The following ZNF148 variants were observed in gnomAD, a reference collection of about 807,000 sequenced individuals.
The protein encoded by ZNF148 is Beta-Enolase Repressor Factor-1.
In ZNF148, 7 loss-of-function variants were observed where a neutral mutation model predicts 67.7. That is an observed-to-expected ratio of 0.10 (90% CI 0.06 to 0.19). The LOEUF is 0.19. Ranked by LOEUF, ZNF148 falls within the 10% of genes least tolerant of loss-of-function variation. The probability of loss-of-function intolerance (pLI) is 1.00; values close to 1 mark genes in which losing one functional copy is unlikely to be tolerated. For synonymous variants in ZNF148, 333 were observed against 330.7 expected (o/e 1.01, Z -0.08); for missense variants, 583 against 947.1 (o/e 0.62, Z 5.05).
chr3:125,310,032 G>C (rs1037458550), intron 4 of ZNF148, among the ~76,000 whole-genome samples: 5 of 150,752 alleles, frequency 3.3e-5, no homozygotes, highest in African/African-American at 4.9e-5. Flanking sequence ...AAAATACTTG[G>C]ATATTAAACA....
At chr3:125,355,253 T>C (rs1339019317) in intron 1 of ZNF148, among the ~76,000 whole-genome samples, 2 of 152,354 alleles carry the variant, frequency 1.3e-5, no homozygotes, top group South Asian at 2.1e-4. Flanking sequence ...ATAACTTTCA[T>C]AGGTTTAAAT....
At chr3:125,343,078 C>A (rs1941797845) in intron 1 of ZNF148, among the ~76,000 whole-genome samples, 1 of 152,150 alleles carries the variant, frequency 6.6e-6, no homozygotes, top group Non-Finnish European at 1.5e-5. Flanking sequence ...TTATATTAAA[C>A]CAGAAATGTA....
intron 1 of ZNF148, among the ~76,000 whole-genome samples, chr3:125,371,920 C>T (rs1579929056): frequency 1.3e-5 from 2 of 151,692 alleles, no homozygotes; most frequent in Admixed American, 6.6e-5. Context: ...GAAAATTAGC[C>T]GGGCGTGGTG....
At chr3:125,300,266 C>G (rs1400871764) in intron 4 of ZNF148, among the ~76,000 whole-genome samples, 2 of 152,186 alleles carry the variant, frequency 1.3e-5, no homozygotes, top group Non-Finnish European at 2.9e-5. Flanking sequence ...GCCACCATGC[C>G]TGGCCTGAAT....
chr3:125,362,344 T>TA (rs1399451922), intron 1 of ZNF148, among the ~76,000 whole-genome samples: 2 of 152,186 alleles, frequency 1.3e-5, no homozygotes, highest in African/African-American at 4.8e-5. Context: ...AGTTTTAGAA[T>TA]AAGAGTTGTT....
intron 7 of ZNF148, among the ~76,000 whole-genome samples, chr3:125,270,827 G>A (rs1296622563): frequency 6.6e-6 from 1 of 152,138 alleles, no homozygotes; most frequent in Non-Finnish European, 1.5e-5. Flanking sequence ...AGTGAGCTAT[G>A]ATCATGCCAC....
At chr3:125,344,423 C>CA (rs910381839) in intron 1 of ZNF148, 65 of 765,526 alleles carry the variant, frequency 8.5e-5, no homozygotes, top group Middle Eastern at 3.7e-4. Context: ...GACCCCATTC[C>CA]AAAAAAAAGT....
intron 4 of ZNF148, among the ~76,000 whole-genome samples, chr3:125,303,294 G>A (rs149730317): frequency 1.3e-5 from 2 of 152,292 alleles, no homozygotes; most frequent in Non-Finnish European, 2.9e-5. Context: ...AATCTTGATT[G>A]CTTTGGTGGT....
At chr3:125,288,316 C>A in intron 4 of ZNF148, 88 bp from the exon 5 acceptor site, 3 of 1,377,678 alleles carry the variant, frequency 2.2e-6, no homozygotes, top group Non-Finnish European at 2.9e-6. Flanking sequence ...CTTTGCTAAA[C>A]CCACATACAG....
chr3:125,258,422 CA>C (rs34739205), intron 7 of ZNF148, among the ~76,000 whole-genome samples: 116 of 56,278 alleles, frequency 2.1e-3, no homozygotes, highest in East Asian at 0.016. Context: ...GACTCCATCT[CA>C]AAAAAAAAAA....
At position 125,315,504 on chromosome 3, in the gene ZNF148, C is replaced by A. The variant is rs187622904; in HGVS notation, c.-16-1848G>T. The stretch of plus-strand genomic sequence containing the variant: ...CGGGCAGATCAGCAGGTCAGGAGAT[C>A]GAGACCATCCTGGCCAACATGGTGA... On this transcript the variant is annotated intron_variant, in intron 3 of 8. Coordinates refer to ENST00000360647, the MANE Select transcript of ZNF148 (RefSeq NM_021964.3). 2.1e-4 allele frequency among the ~76,000 whole-genome samples: 32 copies of A among 152,032 alleles called. No homozygotes were observed. In the East Asian group the frequency reaches 5.2e-3, roughly 25 times the overall value.
chr3:125,255,064 A>C (rs1308418861), intron 7 of ZNF148, among the ~76,000 whole-genome samples: 1 of 151,962 alleles, frequency 6.6e-6, no homozygotes, highest in Admixed American at 6.6e-5. Context: ...CCACGACAAT[A>C]CTAGGATCTT....
intron 1 of ZNF148, among the ~76,000 whole-genome samples, chr3:125,363,256 A>C (rs958343549): frequency 1.3e-5 from 2 of 152,206 alleles, no homozygotes; most frequent in African/African-American, 4.8e-5. Context: ...TTAACACTTC[A>C]ATTATCAGTC....
At chr3:125,366,912 T>C (rs945143846) in intron 1 of ZNF148, among the ~76,000 whole-genome samples, 7 of 152,220 alleles carry the variant, frequency 4.6e-5, no homozygotes, top group Admixed American at 3.3e-4. Context: ...TAAAGTTCTG[T>C]CTCAGGTTTT....
At chr3:125,367,223 T>C (rs114322247) in intron 1 of ZNF148, among the ~76,000 whole-genome samples, 1,625 of 152,318 alleles carry the variant, frequency 0.011, 25 homozygotes, top group African/African-American at 0.036. Flanking sequence ...ATCCTTCAAA[T>C]AGCCTTACCA....
At chr3:125,283,184 C>T (rs1005277915) in intron 5 of ZNF148, among the ~76,000 whole-genome samples, 5 of 152,034 alleles carry the variant, frequency 3.3e-5, no homozygotes, top group Admixed American at 6.6e-5. Flanking sequence ...ACAAAGTCAC[C>T]CTGAGTAATA....
chr3:125,335,819 T>C (rs967303404), intron 1 of ZNF148, among the ~76,000 whole-genome samples: 2 of 152,242 alleles, frequency 1.3e-5, no homozygotes, highest in Non-Finnish European at 2.9e-5. Context: ...AGTATATCTT[T>C]ACGTTGTTTG....
At position 125,232,850 on chromosome 3, in the gene ZNF148, G is replaced by T; in HGVS notation, c.1876C>A (p.Pro626Thr). The change falls in exon 9 of 9, where the codon CCG becomes ACG. Residue 626 changes from proline (P) to threonine (T), a missense_variant. Transcript: ENST00000360647. The surrounding 1 kb of genome is among the most constrained non-coding windows in gnomAD (Gnocchi z 4.2). ...TTATCAGTCACAAAGTTAAGGCTCGGGCTATTCAAATAGGCATCATTTTGG... is the reference window on the plus strand; with the variant it reads ...TTATCAGTCACAAAGTTAAGGCTCGTGCTATTCAAATAGGCATCATTTTGG... ...TSQNDAYLNS[P>T]SLNFVTDNQT... The T allele has an allele frequency of 1.2e-6, 2 of 1,613,798 alleles. No individual in the cohort carries two copies. Among genetic ancestry groups the T allele is most frequent in the Non-Finnish European group, 1.7e-6 (2 of 1,179,822 alleles).
intron 7 of ZNF148, among the ~76,000 whole-genome samples, chr3:125,242,197 T>C (rs918899373): frequency 3.9e-5 from 6 of 152,266 alleles, no homozygotes; most frequent in Admixed American, 2.0e-4. Flanking sequence ...TTTTATGTAG[T>C]TGAATGTATC....
Sources: gnomAD v4.1 joint callset for allele counts (sites outside exome capture counted in the v4.1 genomes callset) on GRCh38, gnomAD v4.1.1 for gene constraint, Gnocchi (gnomAD v3.1) non-coding constraint, MANE v1.5 for transcripts, NCBI Gene and HGNC (gene_info 2026-07-23, HGNC 2026-07-21) for gene names.